Variants in TRAM2 observed in about 807,000 individuals in gnomAD.
TRAM2 encodes the protein translocating chain-associated membrane protein 2.
In TRAM2, 12 loss-of-function variants were observed where a neutral mutation model predicts 51.0. The ratio of observed to expected loss-of-function variants is 0.24; its 90% confidence interval spans 0.15 to 0.38. TRAM2 has a LOEUF of 0.38. TRAM2 is among the 10% of genes least tolerant of loss of function. The pLI is 1.00. For synonymous variants in TRAM2, 175 were observed against 179.4 expected, an observed-to-expected ratio of 0.98 and a Z score of 0.20; for missense variants, 361 against 462.0, an observed-to-expected ratio of 0.78 and a Z score of 2.00.
At chr6:52,576,568 G>A (rs988735948) in intron 1 of TRAM2, among the ~76,000 whole-genome samples, 1 of 152,220 alleles carries the variant, frequency 6.6e-6, no homozygotes, top group East Asian at 1.9e-4. Flanking sequence ...AGTGCCCAAG[G>A]GGGCGGCAGA....
intron 2 of TRAM2, among the ~76,000 whole-genome samples, chr6:52,531,275 A>G (rs1177807689): frequency 2.6e-5 from 4 of 152,222 alleles, no homozygotes; most frequent in Admixed American, 6.5e-5. Flanking sequence ...CTTACAAACC[A>G]AACATTACCA....
intron 2 of TRAM2, among the ~76,000 whole-genome samples, chr6:52,522,409 C>G (rs550445081): frequency 4.5e-4 from 68 of 152,352 alleles, no homozygotes; most frequent in African/African-American, 1.6e-3. Flanking sequence ...GTGAAATCAT[C>G]TGATTTTAAA....
At position 52,507,582 on chromosome 6, in the gene TRAM2, C is replaced by T. The variant is rs751563484; in HGVS notation, c.597G>A (p.Leu199=). The T allele has an allele frequency of 5.0e-6, 8 of 1,614,028 alleles. No individual in the cohort carries two copies. Among genetic ancestry groups the T allele is most frequent in the Admixed American group, 3.3e-5 (2 of 59,990 alleles). ...PRQLQYICLY[L]VHIAGAYLLN... ...AGAGGTATGCTCCAGCTATATGCAC[C>T]AGGTACAGGCAAATATACTGGAGCT... The change falls in exon 7 of 11, where the codon CTG becomes CTA. Residue 199 remains leucine (L), a synonymous_variant. Transcript: ENST00000182527.
chr6:52,501,766 A>C lies in TRAM2; in HGVS notation c.*1431T>G, dbSNP rs1033331216. ...ACCATGTTGGCCAGGCTGGTCTTGA[A>C]CTCCTAACCTCAGGTGATCTGCCCA... On this transcript the variant is annotated 3_prime_UTR_variant, in exon 11 of 11. Coordinates refer to ENST00000182527, the MANE Select transcript of TRAM2 (RefSeq NM_012288.4). 6.6e-6 allele frequency: 1 copy of C among 151,770 alleles called. No individual in the cohort carries two copies. Among genetic ancestry groups the C allele is most frequent in the Non-Finnish European group, 1.5e-5 (1 of 67,994 alleles). The allele number at this position is 151,770 out of a possible 1,614,324, so 9.4% of individuals were successfully genotyped here. A position where few individuals can be genotyped will look rare whatever the true frequency, so the allele number is the denominator to read the frequency against.
At chr6:52,526,580 G>T (rs549577857) in intron 2 of TRAM2, among the ~76,000 whole-genome samples, 2 of 152,178 alleles carry the variant, frequency 1.3e-5, no homozygotes, top group South Asian at 4.1e-4. Flanking sequence ...ATAGAGACTG[G>T]GTTTCACCAT....
intron 10 of TRAM2, 117 bp downstream of exon 10, chr6:52,504,471 AAGG>A: frequency 6.6e-7 from 1 of 1,507,590 alleles, no homozygotes. Context: ...AAGAGTCAGG[AAGG>A]AGAAGCTGGC....
At chr6:52,564,325 GC>G (rs1562489660) in intron 1 of TRAM2, among the ~76,000 whole-genome samples, 1 of 152,016 alleles carries the variant, frequency 6.6e-6, no homozygotes, top group Non-Finnish European at 1.5e-5. Flanking sequence ...TATTACCTAA[GC>G]TGAGGACCAA....
chr6:52,504,057 T>C (rs925516127), intron 10 of TRAM2, among the ~76,000 whole-genome samples: 7 of 152,254 alleles, frequency 4.6e-5, no homozygotes, highest in African/African-American at 1.4e-4. Flanking sequence ...GAGGACCTGC[T>C]GAAGGTGGGT....
At chr6:52,535,698 AT>A (rs748340740) in intron 2 of TRAM2, 84 bp downstream of exon 2, 5 of 1,298,324 alleles carry the variant, frequency 3.9e-6, no homozygotes, top group African/African-American at 1.5e-5. Flanking sequence ...AAAAAAAAAA[AT>A]TGTACACAGA....
intron 10 of TRAM2, among the ~76,000 whole-genome samples, chr6:52,503,813 C>T (rs1191071893): frequency 2.0e-5 from 3 of 152,198 alleles, no homozygotes; most frequent in African/African-American, 4.8e-5. Context: ...GTTCAAAATA[C>T]CTCCGTGCGC....
intron 2 of TRAM2, chr6:52,523,468 C>T (rs1766716832): frequency 6.6e-6 from 1 of 152,404 alleles, no homozygotes; most frequent in Non-Finnish European, 1.5e-5. Context: ...AATGCTCAGC[C>T]TTACACAGAA....
At chr6:52,526,317 A>T (rs1454173378) in intron 2 of TRAM2, among the ~76,000 whole-genome samples, 1 of 152,252 alleles carries the variant, frequency 6.6e-6, no homozygotes, top group Non-Finnish European at 1.5e-5. Flanking sequence ...GAAGATAAAG[A>T]AAGGATACTT....
intron 2 of TRAM2, among the ~76,000 whole-genome samples, chr6:52,533,240 G>T (rs77158227): frequency 0.03 from 4,526 of 152,238 alleles, 194 homozygotes; most frequent in African/African-American, 0.1. Flanking sequence ...AAATGGTTAC[G>T]ATAGTACATT....
At chr6:52,562,434 C>A (rs1235958372) in intron 1 of TRAM2, among the ~76,000 whole-genome samples, 1 of 152,166 alleles carries the variant, frequency 6.6e-6, no homozygotes, top group African/African-American at 2.4e-5. Context: ...ACAGAAACGT[C>A]ACAGAGGAGC....
chr6:52,501,409 C>T lies in TRAM2; in HGVS notation c.*1788G>A, dbSNP rs183819263. On this transcript the variant is annotated 3_prime_UTR_variant, in exon 11 of 11. Coordinates refer to ENST00000182527, the MANE Select transcript of TRAM2 (RefSeq NM_012288.4). ...CCTTGATGAAAAGACCCATTTCCCC[C>T]CTTTTGAATCTAAATCCAAGGTTTG... is the stretch of plus-strand genomic sequence containing the variant. 1 of 152,294 alleles carries T rather than the reference C, an allele frequency of 6.6e-6. No individual in the cohort carries two copies. Among genetic ancestry groups the T allele is most frequent in the East Asian group, 1.9e-4 (1 of 5,186 alleles). 9.4% of individuals were successfully genotyped at this position (152,294 alleles called of 1,614,324 possible). A position where few individuals can be genotyped will look rare whatever the true frequency, so the allele number is the denominator to read the frequency against.
At chr6:52,535,726 T>C in intron 2 of TRAM2, 57 bp downstream of exon 2, 1 of 1,497,918 alleles carries the variant, frequency 6.7e-7, no homozygotes, top group Non-Finnish European at 9.2e-7. Context: ...AAAGGAAGCT[T>C]TCCAGGTCCT....
chr6:52,525,494 T>C lies in TRAM2; in HGVS notation c.185-8757A>G, dbSNP rs917727328. Among the ~76,000 whole-genome samples, 13 of 152,044 alleles carry C rather than the reference T, an allele frequency of 8.6e-5. 1 individual carries two copies. The highest frequency in any genetic ancestry group is 5.9e-5 in the Non-Finnish European group (4 of 67,984). The stretch of plus-strand genomic sequence containing the variant: ...ATACACACACACACAGAGGCTGTTA[T>C]GGGTTGAATTGTACCTCCATTAAAA... On this transcript the variant is annotated intron_variant, in intron 2 of 10. Transcript: ENST00000182527.
intron 1 of TRAM2, among the ~76,000 whole-genome samples, chr6:52,558,162 A>T (rs1767441218): frequency 6.6e-6 from 1 of 152,148 alleles, no homozygotes; most frequent in Admixed American, 6.5e-5. Context: ...AAACCTGCAG[A>T]CTTGGCCTCC....
chr6:52,540,988 G>A (rs1258151447), intron 1 of TRAM2, among the ~76,000 whole-genome samples: 8 of 152,164 alleles, frequency 5.3e-5, no homozygotes, highest in African/African-American at 9.7e-5. Flanking sequence ...AAACACAAAG[G>A]CAAAGGCCTT....
Sources: allele counts gnomAD v4.1 joint callset (sites outside exome capture counted in the v4.1 genomes callset), GRCh38; gene constraint gnomAD v4.1.1; transcripts MANE v1.5; gene names NCBI Gene and HGNC (gene_info 2026-07-23, HGNC 2026-07-21).